Variants in DSG2 observed in about 807,000 individuals in gnomAD.
DSG2 encodes desmoglein 2.
A neutral mutation model predicts 75.6 loss-of-function variants in DSG2; 45 were observed. That is an observed-to-expected ratio of 0.60 (90% confidence interval 0.47 to 0.76). The LOEUF (loss-of-function observed/expected upper bound fraction) is 0.76, where lower values mean the gene tolerates loss of function less well. Ranked by LOEUF, DSG2 falls within the 30% of genes least tolerant of loss-of-function variation. DSG2 has a pLI of 0.00. For synonymous variants in DSG2, 429 were observed against 483.9 expected (o/e 0.89, Z 1.49); for missense variants, 1,267 against 1,357.4 (o/e 0.93, Z 1.05).
At chr18:31,517,918 C>T (rs1030187463) in intron 1 of DSG2, among the ~76,000 whole-genome samples, 1 of 152,076 alleles carries the variant, frequency 6.6e-6, no homozygotes, top group Non-Finnish European at 1.5e-5. Context: ...TCCTGGAGAA[C>T]ACAAGATAAA....
chr18:31,538,497 C>T (rs975562126), intron 11 of DSG2, among the ~76,000 whole-genome samples: 1 of 152,132 alleles, frequency 6.6e-6, no homozygotes, highest in South Asian at 2.1e-4. Flanking sequence ...TCCTAGCTTT[C>T]CTAGACCCAC....
intron 12 of DSG2, among the ~76,000 whole-genome samples, chr18:31,539,297 C>T (rs899509895): frequency 3.3e-5 from 5 of 152,146 alleles, no homozygotes; most frequent in African/African-American, 1.2e-4. Flanking sequence ...CTGCTGTATT[C>T]CCAGTGTGTG....
At position 31,524,832 on chromosome 18, in the gene DSG2, T is replaced by C. The variant is rs1434291381; in HGVS notation, c.958T>C (p.Tyr320His). Residue 320 changes from tyrosine (Y) to histidine (H), a missense_variant, in exon 8 of 15, where the codon TAT (tyrosine) becomes CAT (histidine). Tyr to His is a moderately conservative substitution (Grantham distance 83, BLOSUM62 2). Transcript: ENST00000261590. ...ATTTGCATCAGGAAATGAAGGAGGT[T>C]ATTTCCACATAGAAACAGATGCTCA... ...FTFASGNEGG[Y>H]FHIETDAQTN... 6.2e-7 allele frequency: 1 copy of C among 1,614,172 alleles called. No individual in the cohort carries two copies. The highest frequency in any genetic ancestry group is 1.1e-5 in the South Asian group (1 of 91,078).
chr18:31,542,554 G>T lies in DSG2; in HGVS notation c.2036G>T (p.Gly679Val). 6.2e-7 allele frequency: 1 copy of T among 1,614,092 alleles called. No individual in the cohort carries two copies. Among genetic ancestry groups the T allele is most frequent in the East Asian group, 2.2e-5 (1 of 44,874 alleles). ...VPSFLPVDQG[G>V]SLVGRNGVGG... ...TCATTTCTGCCAGTGGATCAAGGGGGCAGTCTAGTAGGAAGAAATGGAGTA... is the reference window on the plus strand; with the variant it reads ...TCATTTCTGCCAGTGGATCAAGGGGTCAGTCTAGTAGGAAGAAATGGAGTA... The change falls in exon 14 of 15, where the codon GGC (glycine) becomes GTC (valine). Residue 679 changes from glycine (G) to valine (V), a missense_variant. Coordinates refer to ENST00000261590, the MANE Select transcript of DSG2 (RefSeq NM_001943.5).
intron 13 of DSG2, 82 bp downstream of exon 13, chr18:31,541,396 T>TTGAG (rs1432066679): frequency 2.9e-5 from 45 of 1,544,286 alleles, no homozygotes; most frequent in Non-Finnish European, 4.0e-5. Context: ...ACATGTTTGG[T>TTGAG]TGAGTGAGTA....
At chr18:31,514,585 A>G (rs555351253) in intron 1 of DSG2, among the ~76,000 whole-genome samples, 2 of 152,364 alleles carry the variant, frequency 1.3e-5, no homozygotes, top group East Asian at 3.9e-4. Flanking sequence ...ATGATATTTC[A>G]TGTCACATTC....
At chr18:31,530,766 A>G (rs1257705853) in intron 8 of DSG2, among the ~76,000 whole-genome samples, 1 of 152,140 alleles carries the variant, frequency 6.6e-6, no homozygotes, top group Non-Finnish European at 1.5e-5. Context: ...AGGAAAATAA[A>G]TTGGTAATAC....
chr18:31,506,005 G>A (rs370731914), intron 1 of DSG2, among the ~76,000 whole-genome samples: 11 of 152,288 alleles, frequency 7.2e-5, no homozygotes, highest in South Asian at 4.1e-4. Flanking sequence ...CAAATTGGGC[G>A]TCTACTATAT....
intron 9 of DSG2, among the ~76,000 whole-genome samples, chr18:31,533,490 A>T (rs886167090): frequency 6.6e-6 from 1 of 152,230 alleles, no homozygotes; most frequent in Non-Finnish European, 1.5e-5. Context: ...ATTCATGTGT[A>T]TCAGCTGTTT....
intron 12 of DSG2, among the ~76,000 whole-genome samples, chr18:31,539,749 C>A (rs1479243986): frequency 6.6e-6 from 1 of 152,182 alleles, no homozygotes; most frequent in East Asian, 1.9e-4. Context: ...AGGCTACAGA[C>A]CAGCACCTGT....
At chr18:31,531,361 A>G in intron 9 of DSG2, 109 bp downstream of exon 9, 1 of 1,323,088 alleles carries the variant, frequency 7.6e-7, no homozygotes, top group South Asian at 1.4e-5. Context: ...CCAGCATTAT[A>G]GTTCCCCAAA....
rs2073155229 is a variant in DSG2 at position 31,524,976 on chromosome 18, G to T, written c.1014+88G>T. The T allele has an allele frequency of 1.5e-5, 19 of 1,246,734 alleles. 1 individual carries two copies. The South Asian group carries it at 2.2e-4, about 15-fold the overall frequency. The allele number at this position is 1,246,734 out of a possible 1,614,324, so 77.2% of individuals were successfully genotyped here. ...TTTTGAGCCCTGAACACTTAAAAGT[G>T]CTTTACATATTCAATTAACTAGCAC... On this transcript the variant is annotated intron_variant, in intron 8 of 14. Transcript: ENST00000261590.
Position 31,524,748 on chromosome 18 carries a change from C to T in DSG2, c.874C>T (p.Arg292Cys), listed in dbSNP as rs770921270. Residue 292 changes from arginine (R) to cysteine (C), a missense_variant, in exon 8 of 15, where the codon CGC becomes TGC. Transcript: ENST00000261590. ...AAATCAAGTCAACGTAGAAGTTACG[C>T]GCATAAAAGTGTTCGATGCAGATGA... ...EENQVNVEVT[R>C]IKVFDADEIG... 87 of 1,613,930 alleles carry T rather than the reference C, an allele frequency of 5.4e-5. No individual in the cohort carries two copies. The East Asian group carries it at 1.1e-3, about 20-fold the overall frequency.
chr18:31,547,804 T>G lies in DSG2; in HGVS notation c.*1061T>G, dbSNP rs1463064171. The G allele has an allele frequency of 2.0e-5, 3 of 152,230 alleles. No homozygotes were observed. The highest frequency in any genetic ancestry group is 4.8e-5 in the African/African-American group (2 of 41,472). 9.4% of individuals were successfully genotyped at this position (152,230 alleles called of 1,614,324 possible). On this transcript the variant is annotated 3_prime_UTR_variant, in exon 15 of 15. Transcript: ENST00000261590. ...CAAAATTTATAAGTATAAAATAATT[T>G]TACTTCTTATAGTAATAGTATACTT...
chr18:31,546,284 G>GCTTCTACCTT lies in DSG2; in HGVS notation c.2898_2899insCTTCTACCTT (p.Val967LeufsTer18). ...CACAGAGCCTTATTGTGACAGAGAGGGTGTATGCTCCAGCTTCTACCTTGG... is the reference window on the plus strand; with the variant it reads ...CACAGAGCCTTATTGTGACAGAGAGGCTTCTACCTTGTGTATGCTCCAGCTTCTACCTTGG... On this transcript the variant is annotated frameshift_variant, in exon 15 of 15. Coordinates refer to ENST00000261590, the MANE Select transcript of DSG2 (RefSeq NM_001943.5). LOFTEE classifies it low-confidence loss of function (END_TRUNC). 6.2e-7 allele frequency: 1 copy of GCTTCTACCTT among 1,602,050 alleles called. No individual in the cohort carries two copies. Among genetic ancestry groups the GCTTCTACCTT allele is most frequent in the Non-Finnish European group, 8.5e-7 (1 of 1,173,144 alleles).
intron 9 of DSG2, among the ~76,000 whole-genome samples, chr18:31,532,998 C>G (rs906424322): frequency 2.0e-5 from 3 of 151,992 alleles, no homozygotes; most frequent in Non-Finnish European, 4.4e-5. Context: ...TGAACCCTGC[C>G]TTTTTTATTT....
intron 3 of DSG2, 84 bp from the exon 4 acceptor site, chr18:31,520,719 T>C: frequency 7.1e-7 from 1 of 1,406,050 alleles, no homozygotes; most frequent in Non-Finnish European, 9.9e-7. Context: ...TTATAGAGAA[T>C]CACTTCTTAG....
chr18:31,530,662 A>C (rs535322100), intron 8 of DSG2, among the ~76,000 whole-genome samples: 1 of 152,216 alleles, frequency 6.6e-6, no homozygotes, highest in Non-Finnish European at 1.5e-5. Context: ...CAAGTGATCT[A>C]CCTGCCTTGG....
chr18:31,519,144 A>G (rs750629394), intron 2 of DSG2, among the ~76,000 whole-genome samples: 1 of 152,226 alleles, frequency 6.6e-6, no homozygotes, highest in Non-Finnish European at 1.5e-5. Context: ...TCAGTTAATA[A>G]GAAAAAACGT....
Sources: allele counts gnomAD v4.1 joint callset (sites outside exome capture counted in the v4.1 genomes callset), GRCh38; gene constraint gnomAD v4.1.1; transcripts MANE v1.5; gene names NCBI Gene and HGNC (gene_info 2026-07-23, HGNC 2026-07-21).